Variants in BABAM2 observed in about 807,000 individuals in gnomAD.
BABAM2 encodes the protein BRISC and BRCA1-A complex member 2.
BABAM2 carries 31 observed loss-of-function variants against 54.7 expected under a neutral mutation model. The observed-to-expected ratio is 0.57, with a 90% CI of 0.43 to 0.77. The LOEUF (loss-of-function observed/expected upper bound fraction) is 0.77, where lower values mean the gene tolerates loss of function less well. Among genes scored for constraint, BABAM2 ranks in the 30% least tolerant of loss-of-function variants. The pLI, the probability that BABAM2 is intolerant of heterozygous loss-of-function variation, is 0.00. For synonymous variants in BABAM2, 167 were observed against 162.9 expected, an observed-to-expected ratio of 1.03 and a Z score of -0.19; for missense variants, 364 against 455.8, an observed-to-expected ratio of 0.80 and a Z score of 1.83.
chr2:28,278,749 T>G (rs1686086771), intron 10 of BABAM2, among the ~76,000 whole-genome samples: 1 of 152,108 alleles, frequency 6.6e-6, no homozygotes, highest in South Asian at 2.1e-4. Context: ...GGCTGAAGAT[T>G]CCTGATGGAG....
At chr2:28,178,397 G>A (rs947405000) in intron 7 of BABAM2, among the ~76,000 whole-genome samples, 2 of 152,060 alleles carry the variant, frequency 1.3e-5, no homozygotes, top group African/African-American at 4.8e-5. Flanking sequence ...TGCTCCTGAA[G>A]AACCACTGGG....
intron 10 of BABAM2, among the ~76,000 whole-genome samples, chr2:28,291,282 A>T (rs1261343907): frequency 6.6e-6 from 1 of 152,214 alleles, no homozygotes; most frequent in African/African-American, 2.4e-5. Context: ...TTCAAGCTTC[A>T]GTTTAATAAT....
chr2:28,277,442 T>G (rs1193178095), intron 10 of BABAM2, among the ~76,000 whole-genome samples: 1 of 152,194 alleles, frequency 6.6e-6, no homozygotes, highest in Non-Finnish European at 1.5e-5. Context: ...AAGTGGTCCC[T>G]TGTAGTTTGC....
intron 6 of BABAM2, among the ~76,000 whole-genome samples, chr2:28,117,521 C>T (rs1166853518): frequency 6.6e-6 from 1 of 152,224 alleles, no homozygotes; most frequent in Admixed American, 6.5e-5. Flanking sequence ...CCAAGACCCA[C>T]AGGAACTAAG....
At chr2:27,994,905 A>G (rs139441158) in intron 4 of BABAM2, among the ~76,000 whole-genome samples, 94 of 152,344 alleles carry the variant, frequency 6.2e-4, no homozygotes, top group African/African-American at 1.8e-3. Context: ...GGGTCCAGTC[A>G]GGAGACAGAA....
chr2:27,924,415 C>T (rs754962099), intron 2 of BABAM2, among the ~76,000 whole-genome samples: 5 of 151,784 alleles, frequency 3.3e-5, no homozygotes, highest in South Asian at 2.1e-4. Flanking sequence ...GGCAGAGTCT[C>T]GCTCTGTTGC....
intron 6 of BABAM2, among the ~76,000 whole-genome samples, chr2:28,103,264 G>T (rs1431797718): frequency 3.3e-5 from 5 of 152,088 alleles, no homozygotes; most frequent in Middle Eastern, 3.4e-3. Flanking sequence ...ACTTTGTATT[G>T]TGAGCTGAGT....
intron 2 of BABAM2, among the ~76,000 whole-genome samples, chr2:27,900,853 C>G (rs528298371): frequency 6.6e-6 from 1 of 151,974 alleles, no homozygotes; most frequent in Admixed American, 6.6e-5. Flanking sequence ...GTCATCCTGG[C>G]TAACACGGTG....
chr2:28,056,862 T>G (rs1678470282), intron 6 of BABAM2, among the ~76,000 whole-genome samples: 1 of 152,252 alleles, frequency 6.6e-6, no homozygotes. Flanking sequence ...CTTAAATACA[T>G]TAATATTTTA....
intron 7 of BABAM2, 107 bp downstream of exon 7, chr2:28,129,487 A>T: frequency 9.6e-7 from 1 of 1,040,146 alleles, no homozygotes; most frequent in Non-Finnish European, 1.4e-6. Flanking sequence ...CTCTTCATTG[A>T]CTTTTGTTTT....
chr2:28,142,924 G>T (rs1342444240), intron 7 of BABAM2, among the ~76,000 whole-genome samples: 1 of 151,896 alleles, frequency 6.6e-6, no homozygotes, highest in Admixed American at 6.6e-5. Flanking sequence ...CAGAATATTT[G>T]TGTGTAGATA....
intron 7 of BABAM2, among the ~76,000 whole-genome samples, chr2:28,202,851 A>G (rs1313596490): frequency 6.6e-6 from 1 of 152,188 alleles, no homozygotes; most frequent in African/African-American, 2.4e-5. Flanking sequence ...ACAAGGATAT[A>G]TGCCTTGAGT....
intron 7 of BABAM2, among the ~76,000 whole-genome samples, chr2:28,198,065 G>A (rs1468734301): frequency 6.6e-6 from 1 of 152,166 alleles, no homozygotes; most frequent in East Asian, 1.9e-4. Flanking sequence ...GGTAATCTGT[G>A]CTACAGAGGG....
chr2:28,228,618 C>A (rs1231288971), intron 7 of BABAM2, among the ~76,000 whole-genome samples: 1 of 151,804 alleles, frequency 6.6e-6, no homozygotes, highest in African/African-American at 2.4e-5. Flanking sequence ...GTAATGCAAT[C>A]AACAGCAGGT....
At chr2:28,030,514 C>A (rs746483289) in intron 5 of BABAM2, among the ~76,000 whole-genome samples, 1 of 152,072 alleles carries the variant, frequency 6.6e-6, no homozygotes, top group Admixed American at 6.5e-5. Context: ...GAGTTGGAAT[C>A]AGGGAAGATC....
intron 6 of BABAM2, among the ~76,000 whole-genome samples, chr2:28,096,972 T>C (rs1451284442): frequency 3.3e-5 from 5 of 152,190 alleles, no homozygotes; most frequent in Non-Finnish European, 7.3e-5. Flanking sequence ...ATCTCCATGC[T>C]TAATCAAGAC....
At chr2:28,296,951 G>A (rs1687745499) in intron 10 of BABAM2, among the ~76,000 whole-genome samples, 1 of 152,200 alleles carries the variant, frequency 6.6e-6, no homozygotes, top group Non-Finnish European at 1.5e-5. Context: ...GCCTCCCAGA[G>A]TGCTGGGATT....
rs192604767 is a variant in BABAM2 at position 27,939,882 on chromosome 2, C to T, written c.205+9974C>T. On this transcript the variant is annotated intron_variant, in intron 3 of 11. Transcript: ENST00000379624. ...ACTAATTGATTCTTACAGAATTATCCCCATTCAAAGTTAAATAATTGAAAT... is the reference window on the plus strand; with the variant it reads ...ACTAATTGATTCTTACAGAATTATCTCCATTCAAAGTTAAATAATTGAAAT... Among the ~76,000 whole-genome samples the T allele has an allele frequency of 3.7e-3, 568 of 152,146 alleles. 2 individuals carry two copies. The highest frequency in any genetic ancestry group is 6.8e-3 in the Middle Eastern group (2 of 294).
intron 3 of BABAM2, among the ~76,000 whole-genome samples, chr2:27,942,704 T>C (rs1668996216): frequency 6.6e-6 from 1 of 152,022 alleles, no homozygotes; most frequent in Admixed American, 6.6e-5. Flanking sequence ...CTTTAATTGT[T>C]TCATAGCCTG....
Sources: gnomAD v4.1 joint callset for allele counts (sites outside exome capture counted in the v4.1 genomes callset) on GRCh38, gnomAD v4.1.1 for gene constraint, MANE v1.5 for transcripts, NCBI Gene and HGNC (gene_info 2026-07-23, HGNC 2026-07-21) for gene names.